The following CCDC112 variants were observed in gnomAD, a reference collection of about 807,000 sequenced individuals.
CCDC112 encodes coiled-coil domain containing 112, also known as coiled-coil domain-containing protein 112.
A neutral mutation model predicts 66.3 loss-of-function variants in CCDC112; 40 were observed. The observed-to-expected ratio is 0.60, with a 90% CI of 0.47 to 0.79. CCDC112 has a LOEUF of 0.79. CCDC112 is among the 30% of genes least tolerant of loss of function. The pLI is 0.00. For synonymous variants in CCDC112, 214 were observed against 197.2 expected, an observed-to-expected ratio of 1.09 and a Z score of -0.71; for missense variants, 659 against 603.8, an observed-to-expected ratio of 1.09 and a Z score of -0.96.
chr5:115,283,326 C>A (rs1749534436), intron 2 of CCDC112, among the ~76,000 whole-genome samples: 1 of 152,076 alleles, frequency 6.6e-6, no homozygotes, highest in African/African-American at 2.4e-5. Flanking sequence ...CCATTCTATT[C>A]TCTGTTTCTG....
chr5:115,292,881 T>C lies in CCDC112; in HGVS notation c.117+3546A>G, dbSNP rs6868342. On this transcript the variant is annotated intron_variant, in intron 1 of 9. Coordinates refer to ENST00000379611, the MANE Select transcript of CCDC112 (RefSeq NM_001040440.3). ...AGGCAGGCAGTTTACAACCCTATCT[T>C]AGTATTTACTTTCTGCCAGCACAGT... Among the ~76,000 whole-genome samples, 1,483 of 152,322 alleles carry C rather than the reference T, an allele frequency of 9.7e-3. 25 individuals carry two copies. Among genetic ancestry groups the C allele is most frequent in the African/African-American group, 0.034 (1,400 of 41,566 alleles).
chr5:115,284,764 G>A, intron 2 of CCDC112, 23 bp downstream of exon 2: 1 of 1,558,458 alleles, frequency 6.4e-7, no homozygotes, highest in Non-Finnish European at 8.8e-7. Flanking sequence ...AATGTTATTT[G>A]AAGATTATAT....
At chr5:115,282,562 G>A (rs979192509) in intron 2 of CCDC112, among the ~76,000 whole-genome samples, 2 of 151,888 alleles carry the variant, frequency 1.3e-5, no homozygotes, top group African/African-American at 4.8e-5. Flanking sequence ...ACAATTCCTT[G>A]TTATCTAAGA....
At chr5:115,278,972 C>A (rs1749325646) in intron 3 of CCDC112, among the ~76,000 whole-genome samples, 1 of 152,030 alleles carries the variant, frequency 6.6e-6, no homozygotes, top group Admixed American at 6.6e-5. Flanking sequence ...TTACAACATA[C>A]AGAATCTAAC....
intron 2 of CCDC112, among the ~76,000 whole-genome samples, chr5:115,283,564 T>C (rs748286763): frequency 6.6e-6 from 1 of 152,144 alleles, no homozygotes; most frequent in African/African-American, 2.4e-5. Flanking sequence ...TGTACATCCA[T>C]ACATCACACT....
rs1274849391 is a variant in CCDC112, at chr5:115,279,784, CAAAT to C, written c.240-20_240-17del. 1 of 1,296,562 alleles carries C rather than the reference CAAAT, an allele frequency of 7.7e-7. No individual in the cohort carries two copies. Among genetic ancestry groups the C allele is most frequent in the East Asian group, 2.4e-5 (1 of 41,542 alleles). 80.3% of individuals were successfully genotyped at this position (1,296,562 alleles called of 1,614,324 possible). On this transcript the variant is annotated splice_polypyrimidine_tract_variant and intron_variant, in intron 2 of 9. Coordinates refer to ENST00000379611, the MANE Select transcript of CCDC112 (RefSeq NM_001040440.3). ...GTTAATTACTCTTTAGGAAAAGAAA[CAAAT>C]AGTATAAATATGATCTAAATATATT...
At chr5:115,295,795 G>C in intron 1 of CCDC112, 2 of 561,730 alleles carry the variant, frequency 3.6e-6, no homozygotes, top group Non-Finnish European at 4.5e-6. Flanking sequence ...ATGGTACTAA[G>C]TGCTATGGGG....
intron 8 of CCDC112, 25 bp from the exon 9 acceptor site, chr5:115,269,025 C>T: frequency 7.4e-7 from 1 of 1,357,430 alleles, no homozygotes; most frequent in Non-Finnish European, 1.0e-6. Flanking sequence ...AAAATAGTAC[C>T]AGTTAATTAT....
intron 1 of CCDC112, among the ~76,000 whole-genome samples, chr5:115,286,235 A>G (rs981500387): frequency 1.3e-5 from 2 of 152,134 alleles, no homozygotes; most frequent in African/African-American, 4.8e-5. Context: ...GGCAACCATT[A>G]ATCTACTTTC....
intron 4 of CCDC112, 49 bp from the exon 5 acceptor site, chr5:115,276,118 T>C: frequency 3.1e-6 from 4 of 1,279,114 alleles, no homozygotes; most frequent in Non-Finnish European, 4.5e-6. Flanking sequence ...CCCATATGGC[T>C]AAAAGTTAAA....
Position 115,271,566 on chromosome 5 carries a change from C to G in CCDC112, c.979G>C (p.Glu327Gln). 1 of 1,566,840 alleles carries G rather than the reference C, an allele frequency of 6.4e-7. No individual in the cohort carries two copies. The highest frequency in any genetic ancestry group is 8.6e-7 in the Non-Finnish European group (1 of 1,163,876). ...QKREEIFKLK[E>Q]KADNTPVLFH... ...AGCACAGGTGTGTTGTCTGCCTTTT[C>G]CTTTAACTTGAAAATTTCCTCCCTT... Residue 327 changes from glutamate to glutamine, a missense_variant, in exon 7 of 10, where the codon GAA (glutamate) becomes CAA (glutamine). Transcript: ENST00000379611.
chr5:115,270,529 TA>T (rs1175764920), intron 7 of CCDC112, among the ~76,000 whole-genome samples: 1 of 152,182 alleles, frequency 6.6e-6, no homozygotes. Context: ...TCGATTCCTT[TA>T]AGAAGATAAG....
chr5:115,275,590 TA>T lies in CCDC112; in HGVS notation c.543del (p.Glu183LysfsTer9). 6.3e-7 allele frequency: 1 copy of T among 1,575,490 alleles called. No homozygotes were observed. Among genetic ancestry groups the T allele is most frequent in the Non-Finnish European group, 8.6e-7 (1 of 1,156,252 alleles). On this transcript the variant is annotated frameshift_variant, in exon 6 of 10. Coordinates refer to ENST00000379611, the MANE Select transcript of CCDC112 (RefSeq NM_001040440.3). LOFTEE classifies it high-confidence loss of function. ...EEQRLIYEELIKEEKTTNNEL... is the reference protein window; with the variant it reads ...EEQRLIYEELXKEEKTTNNEL... ...TCATTATTAGTTGTCTTCTCTTCTT[TA>T]ATTAGCTCTTCATATCTAAAATTTT...
chr5:115,294,381 T>G (rs2127079815), intron 1 of CCDC112, among the ~76,000 whole-genome samples: 1 of 152,194 alleles, frequency 6.6e-6, no homozygotes, highest in Middle Eastern at 3.4e-3. Flanking sequence ...ATGCCAGAGA[T>G]CTCTTTCTCT....
intron 1 of CCDC112, 87 bp downstream of exon 1, chr5:115,296,340 C>G (rs1750155326): frequency 2.2e-6 from 3 of 1,389,402 alleles, no homozygotes; most frequent in Admixed American, 3.2e-5. Context: ...CCGCGCCTCC[C>G]GCCGGCGCTG....
At chr5:115,275,844 C>G (rs1405990521) in intron 5 of CCDC112, 150 bp downstream of exon 5, 1 of 692,864 alleles carries the variant, frequency 1.4e-6, no homozygotes, top group African/African-American at 1.9e-5. Flanking sequence ...GAAAAGCCAC[C>G]TAAAACTGAA....
At chr5:115,295,018 T>G (rs1750089667) in intron 1 of CCDC112, among the ~76,000 whole-genome samples, 1 of 152,172 alleles carries the variant, frequency 6.6e-6, no homozygotes, top group African/African-American at 2.4e-5. Flanking sequence ...TACTAACTTT[T>G]GGACCAGATG....
rs1333969928 is a variant in CCDC112, at chr5:115,271,266, T to C, written c.1279A>G (p.Lys427Glu). The C allele has an allele frequency of 3.1e-6, 5 of 1,595,804 alleles. No individual in the cohort carries two copies. The highest frequency in any genetic ancestry group is 1.7e-4 in the Middle Eastern group (1 of 5,984). ...LEKEIREKAE[K>E]AEKRKNAADE... is the part of the protein sequence containing the mutation. ...GCAGCATTTTTCCTTTTTTCTGCCT[T>C]TTCTGCCTTTTCCCTTATCTCCTTT... The change falls in exon 7 of 10, where the codon AAG (lysine) becomes GAG (glutamate). Residue 427 changes from lysine to glutamate, a missense_variant. Transcript: ENST00000379611.
intron 1 of CCDC112, among the ~76,000 whole-genome samples, chr5:115,287,822 GC>G (rs1749743851): frequency 6.7e-6 from 1 of 148,576 alleles, no homozygotes; most frequent in Non-Finnish European, 1.5e-5. Flanking sequence ...ACAGGCACAT[GC>G]TACTGTGCTC....
Sources: allele counts gnomAD v4.1 joint callset (sites outside exome capture counted in the v4.1 genomes callset), GRCh38; gene constraint gnomAD v4.1.1; transcripts MANE v1.5; gene names NCBI Gene and HGNC (gene_info 2026-07-23, HGNC 2026-07-21).